NOSTRIN: variants seen among roughly 807,000 people sequenced by gnomAD.
NOSTRIN encodes the protein nitric oxide synthase trafficking.
NOSTRIN carries 63 observed loss-of-function variants against 59.0 expected under a neutral mutation model. The observed-to-expected ratio is 1.07, with a 90% CI of 0.87 to 1.32. NOSTRIN has a LOEUF of 1.32. Among genes scored for constraint, NOSTRIN ranks in the 40% most tolerant of loss-of-function variants. The pLI is 0.00. For synonymous variants in NOSTRIN, 200 were observed against 165.4 expected (o/e 1.21, Z -1.61); for missense variants, 512 against 473.1 (o/e 1.08, Z -0.76).
At position 168,851,370 on chromosome 2, in the gene NOSTRIN, A is replaced by G. The variant is rs966449421; in HGVS notation, c.821A>G (p.Glu274Gly). 6.2e-7 allele frequency: 1 copy of G among 1,612,826 alleles called. No individual in the cohort carries two copies. ...VMEETAILST[E>G]NKSEFLLTDY... The stretch of plus-strand genomic sequence containing the variant: ...GAAGAAACTGCAATTTTATCTACAG[A>G]AAACAAATCTGAGTTCCTGTTAACG... The change falls in exon 10 of 16, where the codon GAA becomes GGA. Residue 274 changes from glutamate to glycine, a missense_variant. By Grantham distance (98) the Glu-to-Gly change is moderately conservative. Transcript: ENST00000317647.
At chr2:168,854,744 G>A (rs1437680538) in intron 10 of NOSTRIN, among the ~76,000 whole-genome samples, 1 of 152,072 alleles carries the variant, frequency 6.6e-6, no homozygotes, top group Admixed American at 6.5e-5. Flanking sequence ...ACGTCTTCTT[G>A]CCTCCTCGAA....
chr2:168,857,250 A>G (rs547080563), intron 12 of NOSTRIN, among the ~76,000 whole-genome samples: 9 of 152,336 alleles, frequency 5.9e-5, no homozygotes, highest in African/African-American at 1.9e-4. Flanking sequence ...TACCAGCACA[A>G]TGCTCACAGG....
intron 2 of NOSTRIN, among the ~76,000 whole-genome samples, chr2:168,812,365 A>G (rs111591478): frequency 9.2e-5 from 14 of 152,196 alleles, no homozygotes; most frequent in African/African-American, 3.4e-4. Flanking sequence ...TGTGTGCCAT[A>G]AGACCAAAGA....
chr2:168,838,691 A>G (rs1322779257), intron 7 of NOSTRIN, among the ~76,000 whole-genome samples: 1 of 151,994 alleles, frequency 6.6e-6, no homozygotes, highest in Admixed American at 6.6e-5. Context: ...CCCATGTACA[A>G]GCCAAGCTGA....
chr2:168,817,304 C>T (rs1362059428), intron 2 of NOSTRIN, among the ~76,000 whole-genome samples: 1 of 152,166 alleles, frequency 6.6e-6, no homozygotes, highest in Non-Finnish European at 1.5e-5. Flanking sequence ...TCTTAGGGTC[C>T]TCTATGGAAA....
chr2:168,834,015 G>A (rs2105665241), intron 6 of NOSTRIN: 7 of 493,538 alleles, frequency 1.4e-5, no homozygotes, highest in Non-Finnish European at 2.5e-5. Context: ...TCCGGACAAA[G>A]TGTTAGCTGC....
At chr2:168,847,381 C>G (rs559211151) in intron 8 of NOSTRIN, among the ~76,000 whole-genome samples, 1 of 152,214 alleles carries the variant, frequency 6.6e-6, no homozygotes, top group South Asian at 2.1e-4. Flanking sequence ...AAGTCAGATT[C>G]CTGATCACCT....
chr2:168,859,451 C>G (rs1356727868), intron 12 of NOSTRIN, 61 bp from the exon 13 acceptor site: 9 of 1,591,644 alleles, frequency 5.7e-6, no homozygotes, highest in Non-Finnish European at 6.0e-6. Context: ...TCTGATATTC[C>G]TATCCAGTTG....
chr2:168,814,101 T>C (rs576350216), intron 2 of NOSTRIN, among the ~76,000 whole-genome samples: 1 of 152,312 alleles, frequency 6.6e-6, no homozygotes, highest in East Asian at 1.9e-4. Context: ...AAATATTCTA[T>C]TAATCTATGA....
chr2:168,797,079 C>T (rs147549365), upstream of NOSTRIN, among the ~76,000 whole-genome samples: 48 of 75,026 alleles, frequency 6.4e-4, no homozygotes, highest in African/African-American at 7.5e-4. Flanking sequence ...TTTCTTTTTT[C>T]TTTTTTTTTT....
At chr2:168,828,924 G>T (rs1274838173) in intron 5 of NOSTRIN, among the ~76,000 whole-genome samples, 1 of 151,986 alleles carries the variant, frequency 6.6e-6, no homozygotes, top group African/African-American at 2.4e-5. Flanking sequence ...TATATGTATA[G>T]AAAAAGCTGG....
chr2:168,794,834 A>C (rs1685441833), upstream of NOSTRIN, among the ~76,000 whole-genome samples: 1 of 152,134 alleles, frequency 6.6e-6, no homozygotes, highest in Non-Finnish European at 1.5e-5. Flanking sequence ...GGCTCAAGGG[A>C]TCCTCCTGCC....
At chr2:168,835,700 C>T (rs1687677999) in intron 7 of NOSTRIN, among the ~76,000 whole-genome samples, 1 of 152,118 alleles carries the variant, frequency 6.6e-6, no homozygotes, top group Admixed American at 6.5e-5. Context: ...ACAGTGAGGG[C>T]CTAGGGCAGC....
chr2:168,788,382 G>A (rs1262635777), intron 2 of NOSTRIN, among the ~76,000 whole-genome samples: 5 of 152,142 alleles, frequency 3.3e-5, no homozygotes, highest in African/African-American at 1.2e-4. Context: ...TCTGCTAGGT[G>A]AGGGAATCAC....
At chr2:168,842,309 T>A (rs751556129) in intron 7 of NOSTRIN, among the ~76,000 whole-genome samples, 43 of 152,138 alleles carry the variant, frequency 2.8e-4, no homozygotes, top group Non-Finnish European at 3.4e-4. Flanking sequence ...GATTTTGTGG[T>A]ATTGTTTTCT....
chr2:168,810,656 C>A (rs1686081755), intron 1 of NOSTRIN, among the ~76,000 whole-genome samples: 1 of 152,180 alleles, frequency 6.6e-6, no homozygotes, highest in South Asian at 2.1e-4. Flanking sequence ...ACAGCACAGC[C>A]CTCAATCCAT....
intron 7 of NOSTRIN, 71 bp downstream of exon 7, chr2:168,834,396 A>G (rs1687551431): frequency 1.3e-6 from 1 of 783,748 alleles, no homozygotes; most frequent in Non-Finnish European, 2.3e-6. Flanking sequence ...AGCTACGAAC[A>G]CAAGAGAACG....
intron 10 of NOSTRIN, among the ~76,000 whole-genome samples, chr2:168,853,083 T>C (rs1241981587): frequency 6.6e-6 from 1 of 152,220 alleles, no homozygotes; most frequent in African/African-American, 2.4e-5. Context: ...GAGGCAGCCA[T>C]GATGACTTCT....
intron 10 of NOSTRIN, among the ~76,000 whole-genome samples, chr2:168,853,339 C>T (rs905322755): frequency 6.6e-6 from 1 of 152,190 alleles, no homozygotes; most frequent in African/African-American, 2.4e-5. Context: ...AGAGACCAAT[C>T]TGAGTGCAAA....
Sources: gnomAD v4.1 joint callset for allele counts (sites outside exome capture counted in the v4.1 genomes callset) on GRCh38, gnomAD v4.1.1 for gene constraint, MANE v1.5 for transcripts, NCBI Gene and HGNC (gene_info 2026-07-23, HGNC 2026-07-21) for gene names.